The following TUSC3 variants were observed in gnomAD, a reference collection of about 807,000 sequenced individuals.
TUSC3 encodes tumor suppressor candidate 3, also known as dolichyl-diphosphooligosaccharide--protein glycosyltransferase subunit TUSC3.
In TUSC3, 45 loss-of-function variants were observed where a neutral mutation model predicts 44.8. The observed-to-expected ratio is 1.00, with a 90% CI of 0.79 to 1.29. The LOEUF is 1.29. TUSC3 is among the 50% of genes most tolerant of loss of function. The probability of loss-of-function intolerance (pLI) is 0.00; values close to 1 mark genes in which losing one functional copy is unlikely to be tolerated. For missense variants in TUSC3, 519 were observed against 437.9 expected (o/e 1.19, Z -1.65); for synonymous variants, 212 against 152.9 (o/e 1.39, Z -2.85).
At chr8:15,608,905 G>T (rs533653030) in intron 1 of TUSC3, among the ~76,000 whole-genome samples, 1 of 152,070 alleles carries the variant, frequency 6.6e-6, no homozygotes, top group Non-Finnish European at 1.5e-5. Context: ...ATAACCAAAA[G>T]AAATCTTTGA....
chr8:15,593,114 C>T (rs957804482), intron 1 of TUSC3, among the ~76,000 whole-genome samples: 1 of 152,098 alleles, frequency 6.6e-6, no homozygotes, highest in Non-Finnish European at 1.5e-5. Flanking sequence ...GAGACGGAGT[C>T]TCACTCTGTT....
At chr8:15,833,504 A>G in the TUSC3 span, among the ~76,000 whole-genome samples, 1 of 152,168 alleles carries the variant, frequency 6.6e-6, no homozygotes, top group African/African-American at 2.4e-5. Context: ...GTGGTAGTCC[A>G]CGGAATACTA....
At chr8:15,794,991 G>C in the TUSC3 span, among the ~76,000 whole-genome samples, 2 of 152,108 alleles carry the variant, frequency 1.3e-5, no homozygotes, top group African/African-American at 2.4e-5. Context: ...CCTGGATTCT[G>C]ATGAATTTTC....
At chr8:15,458,975 A>C (rs561133947) in intron 1 of TUSC3, among the ~76,000 whole-genome samples, 2 of 152,354 alleles carry the variant, frequency 1.3e-5, no homozygotes, top group Admixed American at 1.3e-4. Flanking sequence ...TAATCTTTTC[A>C]CCAAATAGAC....
chr8:15,844,134 G>C, the TUSC3 span, among the ~76,000 whole-genome samples: 69,312 of 151,730 alleles, frequency 0.46, 18,061 homozygotes, highest in Non-Finnish European at 0.6. Context: ...GTAGCAGAAT[G>C]CACCATGACA....
chr8:15,556,970 T>C (rs945398290), intron 1 of TUSC3, among the ~76,000 whole-genome samples: 1 of 149,760 alleles, frequency 6.7e-6, no homozygotes, highest in African/African-American at 2.4e-5. Flanking sequence ...TACACTCTGA[T>C]GGTAATTTCT....
At chr8:15,717,523 C>T (rs1308404386) in intron 6 of TUSC3, among the ~76,000 whole-genome samples, 1 of 152,058 alleles carries the variant, frequency 6.6e-6, no homozygotes, top group Middle Eastern at 3.2e-3. Flanking sequence ...TGCTTTCCAT[C>T]CTCTATTAAT....
At chr8:15,797,625 C>T in the TUSC3 span, among the ~76,000 whole-genome samples, 22 of 152,188 alleles carry the variant, frequency 1.4e-4, no homozygotes, top group African/African-American at 5.1e-4. Flanking sequence ...GTGCTAAATC[C>T]TGACCTGCTC....
At chr8:15,534,382 A>AAG (rs1801493688) in intron 2 of TUSC3, among the ~76,000 whole-genome samples, 1 of 152,122 alleles carries the variant, frequency 6.6e-6, no homozygotes, top group South Asian at 2.1e-4. Flanking sequence ...GGTGACGCAC[A>AAG]CCTGTAATCC....
chr8:15,441,325 T>C (rs975782905), intron 1 of TUSC3, among the ~76,000 whole-genome samples: 1 of 152,202 alleles, frequency 6.6e-6, no homozygotes, highest in Non-Finnish European at 1.5e-5. Flanking sequence ...GAGAATTGCT[T>C]GAGCCCAGGA....
chr8:15,480,816 A>G (rs190052635), intron 1 of TUSC3, among the ~76,000 whole-genome samples: 27 of 152,350 alleles, frequency 1.8e-4, no homozygotes, highest in African/African-American at 6.5e-4. Flanking sequence ...ATCTCCAAAT[A>G]TAATTACATT....
chr8:15,423,969 G>GTTTTTGTTTTGTTTTTTTTTTT lies in TUSC3; in HGVS notation n.91+6669_91+6670insGTTTTGTTTTTTTTTTTTTTTT, dbSNP rs1563247134. 1.4e-4 allele frequency among the ~76,000 whole-genome samples: 10 copies of GTTTTTGTTTTGTTTTTTTTTTT among 70,394 alleles called. 2 individuals carry two copies. The highest frequency in any genetic ancestry group is 3.3e-4 in the African/African-American group (8 of 24,496). 46.2% of individuals were successfully genotyped at this position (70,394 alleles called of 152,430 possible). ...TACAGCATTCATACTGTTTTGCTTT[G>GTTTTTGTTTTGTTTTTTTTTTT]TTTTTTTTTTTTTTTTTTTTTTTTT... On this transcript the variant is annotated intron_variant and non_coding_transcript_variant, in intron 1 of 5. Coordinates refer to the TUSC3 transcript ENST00000503191.
intron 5 of TUSC3, among the ~76,000 whole-genome samples, chr8:15,665,086 A>G (rs1807598908): frequency 1.3e-5 from 2 of 151,620 alleles, no homozygotes; most frequent in Non-Finnish European, 3.0e-5. Flanking sequence ...AATAACTAAT[A>G]TCTCATTTTT....
At chr8:15,435,403 A>G (rs947829548) in intron 1 of TUSC3, among the ~76,000 whole-genome samples, 8 of 152,224 alleles carry the variant, frequency 5.3e-5, no homozygotes, top group African/African-American at 1.9e-4. Flanking sequence ...AAGGGCTTGA[A>G]AATTTTTTTG....
intron 1 of TUSC3, among the ~76,000 whole-genome samples, chr8:15,417,766 T>C (rs1016720472): frequency 6.6e-6 from 1 of 152,202 alleles, no homozygotes; most frequent in African/African-American, 2.4e-5. Context: ...TAGCCAGCTG[T>C]AATCATTTAC....
chr8:15,769,989 G>C (rs1812412689), downstream of TUSC3, among the ~76,000 whole-genome samples: 1 of 152,170 alleles, frequency 6.6e-6, no homozygotes, highest in Non-Finnish European at 1.5e-5. Flanking sequence ...TTCAACCATT[G>C]TGGAAGACAG....
Position 15,730,662 on chromosome 8 carries a change from A to G in TUSC3, c.799-4A>G. The G allele has an allele frequency of 6.2e-7, 1 of 1,612,826 alleles. No homozygotes were observed. Among genetic ancestry groups the G allele is most frequent in the Non-Finnish European group, 8.5e-7 (1 of 1,179,240 alleles). ...CTGTAATTTCTGTTTGTCTTCTTTT[A>G]TAGAGCTACATTCATGGGAGCAGCC... On this transcript the variant is annotated splice_polypyrimidine_tract_variant and splice_region_variant and intron_variant, in intron 6 of 10. Coordinates refer to ENST00000503731, the MANE Select transcript of TUSC3 (RefSeq NM_006765.4).
At chr8:15,738,600 G>A (rs1328844004) in intron 7 of TUSC3, among the ~76,000 whole-genome samples, 2 of 152,004 alleles carry the variant, frequency 1.3e-5, no homozygotes, top group Admixed American at 1.3e-4. Context: ...TCCTGAAAAA[G>A]TATGGCAATT....
chr8:15,753,726 A>G (rs1192417035), intron 9 of TUSC3, among the ~76,000 whole-genome samples: 2 of 152,062 alleles, frequency 1.3e-5, no homozygotes, highest in Non-Finnish European at 1.5e-5. Flanking sequence ...CTGCCTGACA[A>G]ACATCGAAAA....
Sources: gnomAD v4.1 joint callset for allele counts (sites outside exome capture counted in the v4.1 genomes callset) on GRCh38, gnomAD v4.1.1 for gene constraint, MANE v1.5 for transcripts, NCBI Gene and HGNC (gene_info 2026-07-23, HGNC 2026-07-21) for gene names.